The following SPINK1 variants were observed in gnomAD, a reference collection of about 807,000 sequenced individuals.
The protein encoded by SPINK1 is serine protease inhibitor Kazal-type 1.
SPINK1 carries 5 observed loss-of-function variants against 9.5 expected under a neutral mutation model. The observed-to-expected ratio is 0.52, with a 90% CI of 0.27 to 1.10. SPINK1 has a LOEUF of 1.10. Ranked by LOEUF, SPINK1 falls within the 50% of genes least tolerant of loss-of-function variation. SPINK1 has a pLI of 0.11. For missense variants in SPINK1, 88 were observed against 92.7 expected (o/e 0.95, Z 0.21); for synonymous variants, 37 against 32.3 (o/e 1.14, Z -0.49).
chr5:147,838,862 C>T, the SPINK1 span, among the ~76,000 whole-genome samples: 2 of 152,044 alleles, frequency 1.3e-5, no homozygotes, highest in Non-Finnish European at 2.9e-5. Context: ...CCCACGGTTC[C>T]CCATGGTCTC....
chr5:147,826,744 G>GT (rs1756411377), intron 3 of SPINK1, among the ~76,000 whole-genome samples: 1 of 152,110 alleles, frequency 6.6e-6, no homozygotes, highest in South Asian at 2.1e-4. Flanking sequence ...AATGTTTTGG[G>GT]TCTAAAACTT....
chr5:147,836,756 A>G, the SPINK1 span, among the ~76,000 whole-genome samples: 8 of 152,196 alleles, frequency 5.3e-5, no homozygotes, highest in Non-Finnish European at 7.3e-5. Context: ...GCAGTAGCCA[A>G]ACTTACAAAT....
At chr5:147,829,568 G>A in intron 2 of SPINK1, 31 bp downstream of exon 2, 1 of 1,607,778 alleles carries the variant, frequency 6.2e-7, no homozygotes, top group Middle Eastern at 1.7e-4. Flanking sequence ...GTTCCAGTCT[G>A]AGAAATAAGA....
chr5:147,838,238 A>G, the SPINK1 span, among the ~76,000 whole-genome samples: 2 of 152,258 alleles, frequency 1.3e-5, no homozygotes, highest in African/African-American at 4.8e-5. Context: ...TACTGGAAGA[A>G]AAAACAAATG....
the SPINK1 span, among the ~76,000 whole-genome samples, chr5:147,838,711 C>T: frequency 2.0e-5 from 3 of 152,172 alleles, no homozygotes; most frequent in Non-Finnish European, 4.4e-5. Flanking sequence ...TATTTCAAAT[C>T]TTTGGTTTAG....
intron 1 of SPINK1, 117 bp from the exon 2 acceptor site, chr5:147,829,747 T>TC: frequency 1.1e-6 from 1 of 920,006 alleles, no homozygotes; most frequent in Non-Finnish European, 1.7e-6. Flanking sequence ...GCTCTTTCAT[T>TC]CCCCACCCTT....
At chr5:147,829,388 T>C (rs1756468364) in intron 2 of SPINK1, among the ~76,000 whole-genome samples, 1 of 152,180 alleles carries the variant, frequency 6.6e-6, no homozygotes, top group Admixed American at 6.5e-5. Flanking sequence ...TAGGACTATA[T>C]GGAACTTGCT....
chr5:147,828,659 T>C (rs1756455158), intron 2 of SPINK1, among the ~76,000 whole-genome samples: 1 of 152,236 alleles, frequency 6.6e-6, no homozygotes, highest in South Asian at 2.1e-4. Context: ...TCCTAGACAT[T>C]GTTCTAGTGC....
chr5:147,835,914 TG>T (rs1186782493), upstream of SPINK1, among the ~76,000 whole-genome samples: 4 of 152,166 alleles, frequency 2.6e-5, no homozygotes, highest in Admixed American at 1.3e-4. Context: ...AATGACCTCT[TG>T]TTTTTATTCC....
At position 147,828,049 on chromosome 5, in the gene SPINK1, T is replaced by C. The variant is rs1221260752; in HGVS notation, c.167A>G (p.Asn56Ser). ...ATTTTCAAAACATAACACGCATTCA[T>C]TGGGATAAGTATTTCCATCAGTCCC... ...VCGTDGNTYP[N>S]ECVLCFENRK... The change falls in exon 3 of 4, where the codon AAT (asparagine) becomes AGT (serine). Residue 56 changes from asparagine (N) to serine (S), a missense_variant. By Grantham distance (46) the Asn-to-Ser change is conservative. Transcript: ENST00000296695. 1.2e-6 allele frequency: 2 copies of C among 1,613,334 alleles called. No individual in the cohort carries two copies. Among genetic ancestry groups the C allele is most frequent in the Non-Finnish European group, 1.7e-6 (2 of 1,179,796 alleles).
upstream of SPINK1, among the ~76,000 whole-genome samples, chr5:147,836,304 G>GTGTGTGTGT (rs1756594562): frequency 8.9e-6 from 1 of 112,368 alleles, no homozygotes; most frequent in Admixed American, 8.4e-5. Context: ...ATTTGTGTGT[G>GTGTGTGTGT]TGTGTGTGTG....
chr5:147,827,614 C>T (rs1756431553), intron 3 of SPINK1: 1 of 176,076 alleles, frequency 5.7e-6, no homozygotes, highest in Non-Finnish European at 1.2e-5. Context: ...TACTTATGGT[C>T]ACTGAGGAAA....
upstream of SPINK1, among the ~76,000 whole-genome samples, chr5:147,833,702 GT>G (rs1398531917): frequency 1.3e-5 from 2 of 152,092 alleles, no homozygotes; most frequent in Non-Finnish European, 2.9e-5. Context: ...CTCAATATTT[GT>G]TGTTATTTCT....
At chr5:147,828,372 T>C (rs1756449350) in intron 2 of SPINK1, among the ~76,000 whole-genome samples, 1 of 152,244 alleles carries the variant, frequency 6.6e-6, no homozygotes, top group East Asian at 1.9e-4. Flanking sequence ...AGTCAGTTCA[T>C]CTGCAAAACA....
upstream of SPINK1, among the ~76,000 whole-genome samples, chr5:147,835,408 T>A (rs746138831): frequency 6.6e-6 from 1 of 152,118 alleles, no homozygotes; most frequent in Non-Finnish European, 1.5e-5. Flanking sequence ...CTTGACAGAA[T>A]AAATATTGTT....
At chr5:147,828,871 A>G (rs1243202227) in intron 2 of SPINK1, among the ~76,000 whole-genome samples, 2 of 150,840 alleles carry the variant, frequency 1.3e-5, no homozygotes, top group South Asian at 2.1e-4. Flanking sequence ...ACATCTCCCC[A>G]CCAGTTTTGT....
At chr5:147,837,649 T>TTTTCTTTCTTTCTTTC in the SPINK1 span, among the ~76,000 whole-genome samples, 3,958 of 107,054 alleles carry the variant, frequency 0.037, 202 homozygotes, top group Non-Finnish European at 0.044. Context: ...CATTAACTTC[T>TTTTCTTTCTTTCTTTC]TTTCTTTCTT....
At chr5:147,837,351 C>T in the SPINK1 span, among the ~76,000 whole-genome samples, 2 of 152,220 alleles carry the variant, frequency 1.3e-5, no homozygotes, top group South Asian at 4.1e-4. Context: ...AAAAACAAAA[C>T]AAACCCCTCT....
intron 3 of SPINK1, among the ~76,000 whole-genome samples, chr5:147,826,391 G>A (rs530936123): frequency 6.6e-6 from 1 of 152,196 alleles, no homozygotes; most frequent in African/African-American, 2.4e-5. Context: ...TATAGGAAGA[G>A]AGGTCATGTT....
Sources: allele counts gnomAD v4.1 joint callset (sites outside exome capture counted in the v4.1 genomes callset), GRCh38; gene constraint gnomAD v4.1.1; transcripts MANE v1.5; gene names NCBI Gene and HGNC (gene_info 2026-07-23, HGNC 2026-07-21).